PROS1: variants seen among roughly 807,000 people sequenced by gnomAD.
PROS1 encodes the protein protein S.
Under a neutral mutation model 75.9 loss-of-function variants are expected in PROS1, and 29 were observed. The ratio of observed to expected loss-of-function variants is 0.38; its 90% CI spans 0.28 to 0.52. PROS1 has a LOEUF of 0.52. Ranked by LOEUF, PROS1 falls within the 20% of genes least tolerant of loss-of-function variation. The pLI is 0.83. For missense variants in PROS1, 680 were observed against 810.3 expected, an observed-to-expected ratio of 0.84 and a Z score of 1.95; for synonymous variants, 245 against 280.6, an observed-to-expected ratio of 0.87 and a Z score of 1.27.
chr3:93,889,243 C>A (rs1251391408), intron 10 of PROS1, among the ~76,000 whole-genome samples: 1 of 152,058 alleles, frequency 6.6e-6, no homozygotes, highest in East Asian at 1.9e-4. Flanking sequence ...AACTATCTGG[C>A]ATATTTATTT....
At chr3:93,941,182 C>A (rs770068640) in intron 1 of PROS1, among the ~76,000 whole-genome samples, 1 of 152,124 alleles carries the variant, frequency 6.6e-6, no homozygotes, top group African/African-American at 2.4e-5. Flanking sequence ...CTTTCCACTC[C>A]TCCACTTCTC....
At chr3:93,898,702 C>T in intron 7 of PROS1, 133 bp from the exon 8 acceptor site, 3 of 935,884 alleles carry the variant, frequency 3.2e-6, no homozygotes, top group South Asian at 2.8e-5. Context: ...AATACTATGA[C>T]ATCAAACTAC....
chr3:93,920,624 A>G lies in PROS1; in HGVS notation c.259+3616T>C. ...TAATGACAGGAATATACTATAGCTT[A>G]TGATCTATACAATCCCTATTTTTCT... On this transcript the variant is annotated intron_variant, in intron 3 of 14. Transcript: ENST00000394236. 1.3e-5 allele frequency among the ~76,000 whole-genome samples: 2 copies of G among 152,174 alleles called. 1 individual carries two copies. The highest frequency in any genetic ancestry group is 3.8e-4 in the East Asian group (2 of 5,202).
rs554651675 is a variant in PROS1 at position 93,890,578 on chromosome 3, C to T, written c.1155+2355G>A. ...CCCTGGAGGCCCAGCTGTAAAATTTCTCTCTTTGTACTCTTTCTCTTTATT... is the reference window on the plus strand; with the variant it reads ...CCCTGGAGGCCCAGCTGTAAAATTTTTCTCTTTGTACTCTTTCTCTTTATT... On this transcript the variant is annotated intron_variant, in intron 10 of 14. Coordinates refer to ENST00000394236, the MANE Select transcript of PROS1 (RefSeq NM_000313.4). 2.6e-4 allele frequency among the ~76,000 whole-genome samples: 40 copies of T among 152,288 alleles called. 1 individual carries two copies. The South Asian group carries it at 7.1e-3, about 27-fold the overall frequency.
chr3:93,908,324 C>T (rs1393141487), intron 4 of PROS1, among the ~76,000 whole-genome samples: 4 of 152,032 alleles, frequency 2.6e-5, no homozygotes, highest in Non-Finnish European at 5.9e-5. Flanking sequence ...AAGCTGAGAC[C>T]TACAATTGGA....
chr3:93,918,300 AT>A (rs1708890712), intron 3 of PROS1, among the ~76,000 whole-genome samples: 2 of 152,110 alleles, frequency 1.3e-5, no homozygotes, highest in Non-Finnish European at 1.5e-5. Context: ...CACTCGCTCT[AT>A]CAATCAGCAG....
At chr3:93,891,420 TTTTC>T (rs1032244671) in intron 10 of PROS1, among the ~76,000 whole-genome samples, 2 of 152,040 alleles carry the variant, frequency 1.3e-5, no homozygotes, top group African/African-American at 2.4e-5. Context: ...TGCTAATTTC[TTTTC>T]TTTCTTTCTT....
At chr3:93,926,834 G>A (rs1709025955) in intron 2 of PROS1, among the ~76,000 whole-genome samples, 2 of 152,158 alleles carry the variant, frequency 1.3e-5, no homozygotes. Context: ...ACTATTTGCT[G>A]ATAATGAAGT....
At chr3:93,936,902 T>A (rs1709192546) in intron 1 of PROS1, among the ~76,000 whole-genome samples, 1 of 152,232 alleles carries the variant, frequency 6.6e-6, no homozygotes, top group Admixed American at 6.5e-5. Flanking sequence ...AGAGAATTTT[T>A]AAAAACATGT....
At chr3:93,936,037 G>T (rs1198505361) in intron 1 of PROS1, among the ~76,000 whole-genome samples, 1 of 145,906 alleles carries the variant, frequency 6.9e-6, no homozygotes, top group Non-Finnish European at 1.5e-5. Context: ...GATAAAATAA[G>T]CATTTTCATT....
intron 2 of PROS1, among the ~76,000 whole-genome samples, chr3:93,926,259 A>G (rs1024401275): frequency 2.6e-5 from 4 of 152,166 alleles, no homozygotes; most frequent in African/African-American, 9.7e-5. Flanking sequence ...TGATCTCTCT[A>G]CTTTGAGATC....
At chr3:93,955,840 C>A (rs1164912339) in intron 1 of PROS1, among the ~76,000 whole-genome samples, 4 of 151,920 alleles carry the variant, frequency 2.6e-5, no homozygotes. Context: ...GTCTGACAAT[C>A]AAAATATATA....
In PROS1 at chr3:93,893,092, A is replaced by G; in HGVS notation, c.996T>C (p.Tyr332=). ...RFSAEFDFRT[Y]DSEGVILYAE... is the part of the protein sequence containing the mutation. ...CGTACAGTATCACGCCTTCTGAATC[A>G]TATGTCCGGAAATCAAATTCTGCTG... Residue 332 remains tyrosine (Y), a synonymous_variant, in exon 10 of 15, where the codon TAT becomes TAC. Coordinates refer to ENST00000394236, the MANE Select transcript of PROS1 (RefSeq NM_000313.4). 3 of 1,613,968 alleles carry G rather than the reference A, an allele frequency of 1.9e-6. No individual in the cohort carries two copies. Among genetic ancestry groups the G allele is most frequent in the South Asian group, 1.1e-5 (1 of 91,076 alleles).
intron 1 of PROS1, among the ~76,000 whole-genome samples, chr3:93,955,518 T>C (rs1302715666): frequency 6.6e-6 from 1 of 151,782 alleles, no homozygotes; most frequent in East Asian, 1.9e-4. Flanking sequence ...TAGGTGGGAA[T>C]TGAACAATGA....
chr3:93,950,849 T>C (rs1425561447), intron 1 of PROS1, among the ~76,000 whole-genome samples: 1 of 152,124 alleles, frequency 6.6e-6, no homozygotes, highest in Non-Finnish European at 1.5e-5. Flanking sequence ...TTTGATGAGT[T>C]GAGAGAAGGC....
At chr3:93,945,097 C>T (rs953943915) in intron 1 of PROS1, among the ~76,000 whole-genome samples, 1 of 152,020 alleles carries the variant, frequency 6.6e-6, no homozygotes, top group South Asian at 2.1e-4. Flanking sequence ...GACACATGCA[C>T]CCTCCCAAGA....
chr3:93,912,588 T>G (rs1235800138), intron 3 of PROS1, among the ~76,000 whole-genome samples: 1 of 152,106 alleles, frequency 6.6e-6, no homozygotes, highest in African/African-American at 2.4e-5. Context: ...GTCCACTTTG[T>G]GTTGCTATAA....
At chr3:93,971,950 C>A (rs1709888417) in intron 1 of PROS1, among the ~76,000 whole-genome samples, 1 of 152,090 alleles carries the variant, frequency 6.6e-6, no homozygotes, top group African/African-American at 2.4e-5. Flanking sequence ...CATTATGGGG[C>A]CAACTATTCT....
chr3:93,925,037 C>T (rs552864568), intron 2 of PROS1, among the ~76,000 whole-genome samples: 1 of 152,220 alleles, frequency 6.6e-6, no homozygotes, highest in East Asian at 1.9e-4. Context: ...CATGTAGTAC[C>T]TTACCTATAA....
Sources: gnomAD v4.1 joint callset for allele counts (sites outside exome capture counted in the v4.1 genomes callset) on GRCh38, gnomAD v4.1.1 for gene constraint, MANE v1.5 for transcripts, NCBI Gene and HGNC (gene_info 2026-07-23, HGNC 2026-07-21) for gene names.